SNX29: variants seen among roughly 807,000 people sequenced by gnomAD.
SNX29 encodes sorting nexin 29.
Under a neutral mutation model 102.1 loss-of-function variants are expected in SNX29, and 78 were observed. That is an observed-to-expected ratio of 0.76 (90% CI 0.64 to 0.92). The LOEUF is 0.92. Ranked by LOEUF, SNX29 falls within the 40% of genes least tolerant of loss-of-function variation. SNX29 has a pLI of 0.00. For missense variants in SNX29, 1,280 were observed against 1,061.7 expected (o/e 1.21, Z -2.86); for synonymous variants, 580 against 414.5 (o/e 1.40, Z -4.85).
chr16:12,050,858 C>T (rs1365017246), intron 7 of SNX29, among the ~76,000 whole-genome samples: 1 of 152,110 alleles, frequency 6.6e-6, no homozygotes, highest in Admixed American at 6.5e-5. Flanking sequence ...ATTACAGGCA[C>T]CTGCCACCAC....
chr16:12,564,132 T>C (rs753568259), intron 20 of SNX29, among the ~76,000 whole-genome samples: 19 of 152,162 alleles, frequency 1.2e-4, no homozygotes, highest in Non-Finnish European at 2.4e-4. Flanking sequence ...ATCGTGCCTA[T>C]AATCCCAGCA....
At chr16:12,491,381 C>G (rs1272036335) in intron 19 of SNX29, among the ~76,000 whole-genome samples, 4 of 152,222 alleles carry the variant, frequency 2.6e-5, no homozygotes, top group South Asian at 2.1e-4. Flanking sequence ...GTGGTTCACT[C>G]TCAATCATGG....
At chr16:12,559,186 C>T (rs1241146480) in intron 20 of SNX29, among the ~76,000 whole-genome samples, 1 of 152,070 alleles carries the variant, frequency 6.6e-6, no homozygotes, top group African/African-American at 2.4e-5. Flanking sequence ...AGGTACTGGG[C>T]TACACAGTGG....
chr16:12,028,168 A>C (rs763456959), intron 4 of SNX29, among the ~76,000 whole-genome samples: 2 of 152,012 alleles, frequency 1.3e-5, no homozygotes, highest in Non-Finnish European at 2.9e-5. Context: ...TCTTATCACT[A>C]TGTCAGTGTC....
intron 13 of SNX29, among the ~76,000 whole-genome samples, chr16:12,190,815 G>A (rs796811959): frequency 3.3e-5 from 5 of 152,174 alleles, no homozygotes; most frequent in African/African-American, 1.2e-4. Context: ...GGGTAGCGGG[G>A]CAGCAGCCTG....
At chr16:12,302,716 C>A (rs1292738956) in intron 15 of SNX29, among the ~76,000 whole-genome samples, 1 of 152,188 alleles carries the variant, frequency 6.6e-6, no homozygotes, top group Non-Finnish European at 1.5e-5. Context: ...AACATTCAGA[C>A]CATAGTTTCT....
At chr16:12,052,584 G>A in intron 8 of SNX29, 1 of 254,634 alleles carries the variant, frequency 3.9e-6, no homozygotes, top group South Asian at 5.0e-5. Context: ...GGGTAAAATA[G>A]GTCTGCAAGC....
intron 20 of SNX29, among the ~76,000 whole-genome samples, chr16:12,560,142 CCCAA>C (rs1410039893): frequency 1.0e-4 from 5 of 47,644 alleles, no homozygotes; most frequent in East Asian, 8.9e-4. Flanking sequence ...CCCTCCCCCC[CCCAA>C]CAAACAGTAA....
At chr16:12,222,522 G>A (rs774541774) in intron 14 of SNX29, among the ~76,000 whole-genome samples, 1 of 152,224 alleles carries the variant, frequency 6.6e-6, no homozygotes, top group Non-Finnish European at 1.5e-5. Flanking sequence ...AGGAAGAAGA[G>A]TGGGGCTGGC....
chr16:12,424,056 CT>C (rs1354552304), intron 18 of SNX29, among the ~76,000 whole-genome samples: 6 of 152,198 alleles, frequency 3.9e-5, no homozygotes, highest in Non-Finnish European at 8.8e-5. Flanking sequence ...TACTGGCAGC[CT>C]TAGCTTTGCA....
At position 12,542,759 on chromosome 16, in the gene SNX29, C is replaced by CTT. The variant is rs36004047; in HGVS notation, c.2318+17931_2318+17932dup. Reference sequence around the variant, plus strand: ...CATATAAGCACTAGACTATCACTGCCTTTTTTTTTTTTTTAAACAAAGTAT... The same window carrying CTT: ...CATATAAGCACTAGACTATCACTGCCTTTTTTTTTTTTTTTTAAACAAAGTAT... On this transcript the variant is annotated intron_variant, in intron 20 of 20. Coordinates refer to ENST00000566228, the MANE Select transcript of SNX29 (RefSeq NM_032167.5). 3.3e-3 allele frequency among the ~76,000 whole-genome samples: 483 copies of CTT among 144,766 alleles called. 2 individuals are homozygous for CTT. The highest frequency in any genetic ancestry group is 0.011 in the African/African-American group (443 of 39,452). 95.0% of individuals were successfully genotyped at this position (144,766 alleles called of 152,430 possible).
At chr16:12,332,094 T>C (rs948953851) in intron 15 of SNX29, among the ~76,000 whole-genome samples, 1 of 152,038 alleles carries the variant, frequency 6.6e-6, no homozygotes, top group Non-Finnish European at 1.5e-5. Flanking sequence ...TAATTTACAA[T>C]GTGAGCATTA....
chr16:12,223,961 A>G (rs1308004508), intron 14 of SNX29, among the ~76,000 whole-genome samples: 1 of 152,172 alleles, frequency 6.6e-6, no homozygotes, highest in Non-Finnish European at 1.5e-5. Context: ...TCAGCAGCTC[A>G]TTGAAGCCCA....
Position 11,999,297 on chromosome 16 carries a change from G to T in SNX29, c.8G>T (p.Gly3Val). The T allele has an allele frequency of 6.2e-7, 1 of 1,613,994 alleles. No individual in the cohort carries two copies. Among genetic ancestry groups the T allele is most frequent in the South Asian group, 1.1e-5 (1 of 91,068 alleles). ...CTAATTAAGCCTCATTGCATTTTAG[G>T]ATCACAGAACAATGACAAAAGACAA... MSGSQNNDKRQFL... is the reference protein window; with the variant it reads MSVSQNNDKRQFL... The change falls in exon 2 of 21, where the codon GGA becomes GTA. Residue 3 changes from glycine to valine, a missense_variant and splice_region_variant. By Grantham distance (109) the Gly-to-Val change is moderately radical. Coordinates refer to ENST00000566228, the MANE Select transcript of SNX29 (RefSeq NM_032167.5).
At chr16:12,012,800 G>A (rs1177783130) in intron 3 of SNX29, among the ~76,000 whole-genome samples, 1 of 152,060 alleles carries the variant, frequency 6.6e-6, no homozygotes. Flanking sequence ...GCTTGAGGTG[G>A]AATTCCAAGG....
chr16:12,062,377 A>AAAATATAT (rs2050811938), intron 9 of SNX29, among the ~76,000 whole-genome samples: 1 of 137,642 alleles, frequency 7.3e-6, no homozygotes, highest in Non-Finnish European at 1.6e-5. Flanking sequence ...ACTCTGTCTC[A>AAAATATAT]AAATAAATAA....
At chr16:12,197,872 A>T (rs2076817745) in intron 13 of SNX29, among the ~76,000 whole-genome samples, 1 of 150,988 alleles carries the variant, frequency 6.6e-6, no homozygotes, top group South Asian at 2.1e-4. Flanking sequence ...TTTTTCTGCC[A>T]CAATACAGCA....
intron 11 of SNX29, among the ~76,000 whole-genome samples, chr16:12,109,858 G>A (rs1209225387): frequency 6.6e-6 from 1 of 152,060 alleles, no homozygotes; most frequent in Non-Finnish European, 1.5e-5. Flanking sequence ...AGCCTCCCAA[G>A]TATCTGGGAT....
intron 16 of SNX29, among the ~76,000 whole-genome samples, chr16:12,367,626 G>T (rs2082533526): frequency 6.6e-6 from 1 of 152,214 alleles, no homozygotes; most frequent in Admixed American, 6.5e-5. Context: ...TCTCATTTGA[G>T]GGCTGATGCG....
Sources: gnomAD v4.1 joint callset for allele counts (sites outside exome capture counted in the v4.1 genomes callset) on GRCh38, gnomAD v4.1.1 for gene constraint, MANE v1.5 for transcripts, NCBI Gene and HGNC (gene_info 2026-07-23, HGNC 2026-07-21) for gene names.